Variants in ASH1L observed in about 807,000 individuals in gnomAD.
ASH1L encodes ASH1 like histone lysine methyltransferase.
ASH1L carries 23 observed loss-of-function variants against 269.0 expected under a neutral mutation model. That is an observed-to-expected ratio of 0.09 (90% CI 0.06 to 0.12). ASH1L has a LOEUF of 0.12. ASH1L is among the 10% of genes least tolerant of loss of function. The pLI, the probability that ASH1L is intolerant of heterozygous loss-of-function variation, is 1.00. For synonymous variants in ASH1L, 1,187 were observed against 1,253.5 expected (o/e 0.95, Z 1.12); for missense variants, 2,912 against 3,567.8 (o/e 0.82, Z 4.68).
chr1:155,511,408 C>A (rs1362377069), intron 2 of ASH1L, among the ~76,000 whole-genome samples: 1 of 152,160 alleles, frequency 6.6e-6, no homozygotes, highest in African/African-American at 2.4e-5. Context: ...AGGTTTTATT[C>A]CCTCTCTGGA....
At chr1:155,377,168 A>G (rs1034751775) in intron 10 of ASH1L, among the ~76,000 whole-genome samples, 11 of 151,838 alleles carry the variant, frequency 7.2e-5, no homozygotes, top group Non-Finnish European at 1.5e-5. Flanking sequence ...CAGCCTCCCA[A>G]AGTGCTTGGA....
At chr1:155,502,069 T>C (rs1004278859) in intron 2 of ASH1L, among the ~76,000 whole-genome samples, 8 of 150,134 alleles carry the variant, frequency 5.3e-5, no homozygotes, top group African/African-American at 2.0e-4. Flanking sequence ...TTCTTTTCTT[T>C]TCTTTTTTTT....
intron 3 of ASH1L, among the ~76,000 whole-genome samples, chr1:155,472,773 A>G (rs1570917325): frequency 1.3e-5 from 2 of 152,188 alleles, no homozygotes; most frequent in African/African-American, 4.8e-5. Flanking sequence ...AGAATTCCAC[A>G]TTTTTATGTA....
chr1:155,339,221 A>C (rs1652557603), intron 26 of ASH1L, 107 bp downstream of exon 26: 1 of 995,420 alleles, frequency 1.0e-6, no homozygotes, highest in Non-Finnish European at 1.6e-6. Context: ...TCTGCAGAGA[A>C]TACCCAGTCC....
chr1:155,377,293 C>T (rs1386746497), intron 10 of ASH1L, among the ~76,000 whole-genome samples: 1 of 152,196 alleles, frequency 6.6e-6, no homozygotes, highest in Non-Finnish European at 1.5e-5. Context: ...AGCATATCCC[C>T]TATATGCCGA....
intron 1 of ASH1L, among the ~76,000 whole-genome samples, chr1:155,546,945 C>CTTTTTTTTT (rs71080709): frequency 1.1e-5 from 1 of 88,162 alleles, no homozygotes; most frequent in Non-Finnish European, 2.3e-5. Flanking sequence ...TCATCACATT[C>CTTTTTTTTT]TTTTTTTTTT....
intron 1 of ASH1L, 123 bp from the exon 2 acceptor site, chr1:155,521,741 G>A (rs1407388136): frequency 2.2e-6 from 1 of 449,946 alleles, no homozygotes; most frequent in Non-Finnish European, 3.9e-6. Context: ...CAGTTAGATC[G>A]AAATGTTAAT....
intron 4 of ASH1L, chr1:155,440,514 G>A: frequency 1.1e-6 from 1 of 934,236 alleles, no homozygotes; most frequent in Non-Finnish European, 1.3e-6. Flanking sequence ...TTCCCACTGG[G>A]AACATGTTTA....
intron 2 of ASH1L, among the ~76,000 whole-genome samples, chr1:155,494,158 T>C (rs2148773486): frequency 6.6e-6 from 1 of 152,220 alleles, no homozygotes; most frequent in South Asian, 2.1e-4. Flanking sequence ...GAAAACTCAA[T>C]TGTGCAGAAA....
At chr1:155,382,381 C>T (rs1341173435) in intron 7 of ASH1L, among the ~76,000 whole-genome samples, 1 of 152,054 alleles carries the variant, frequency 6.6e-6, no homozygotes, top group East Asian at 1.9e-4. Context: ...ATCTGTAGTC[C>T]CAGCTACTCG....
At chr1:155,393,804 G>A (rs1054990546) in intron 7 of ASH1L, among the ~76,000 whole-genome samples, 1 of 151,890 alleles carries the variant, frequency 6.6e-6, no homozygotes, top group African/African-American at 2.4e-5. Context: ...CACCTGCCTA[G>A]GTCTCCCAAA....
chr1:155,461,254 G>A (rs1212000426), intron 3 of ASH1L, among the ~76,000 whole-genome samples: 1 of 152,198 alleles, frequency 6.6e-6, no homozygotes, highest in African/African-American at 2.4e-5. Flanking sequence ...AAGAGAAATA[G>A]ACCATGAGCC....
chr1:155,545,498 T>C (rs868694847), intron 1 of ASH1L, among the ~76,000 whole-genome samples: 8 of 152,004 alleles, frequency 5.3e-5, no homozygotes, highest in South Asian at 2.1e-4. Flanking sequence ...TGCTATTTCT[T>C]AGTTAAAAGC....
intron 7 of ASH1L, among the ~76,000 whole-genome samples, chr1:155,384,654 A>G (rs114489223): frequency 0.012 from 1,753 of 152,106 alleles, 37 homozygotes; most frequent in African/African-American, 0.039. Context: ...CAGCCTCCCA[A>G]GGTATTTGGT....
chr1:155,551,913 T>C (rs540708193), intron 1 of ASH1L, among the ~76,000 whole-genome samples: 77 of 151,492 alleles, frequency 5.1e-4, no homozygotes, highest in Admixed American at 2.3e-3. Flanking sequence ...GAGGCAGAGA[T>C]TGCAGTGAGC....
chr1:155,349,658 T>C, intron 17 of ASH1L, 62 bp from the exon 18 acceptor site: 1 of 1,371,446 alleles, frequency 7.3e-7, no homozygotes, highest in Non-Finnish European at 1.0e-6. Flanking sequence ...AAGCATCTCC[T>C]AACTGGAAGA....
intron 4 of ASH1L, among the ~76,000 whole-genome samples, chr1:155,445,356 T>A (rs1486315161): frequency 2.0e-5 from 3 of 152,120 alleles, no homozygotes; most frequent in Non-Finnish European, 2.9e-5. Flanking sequence ...GCTAATGTTT[T>A]GTATTTTTAG....
chr1:155,358,476 C>G (rs191173456), intron 13 of ASH1L, among the ~76,000 whole-genome samples: 32 of 151,846 alleles, frequency 2.1e-4, no homozygotes, highest in Admixed American at 1.2e-3. Flanking sequence ...ACAAGGTCAG[C>G]AGATCGAGAC....
intron 12 of ASH1L, among the ~76,000 whole-genome samples, chr1:155,364,555 A>G (rs1467837029): frequency 6.6e-6 from 1 of 152,128 alleles, no homozygotes; most frequent in African/African-American, 2.4e-5. Flanking sequence ...TTCCCCTAAT[A>G]ACTGTATCTA....
Sources: allele counts gnomAD v4.1 joint callset (sites outside exome capture counted in the v4.1 genomes callset), GRCh38; gene constraint gnomAD v4.1.1; transcripts MANE v1.5; gene names NCBI Gene and HGNC (gene_info 2026-07-23, HGNC 2026-07-21).